DSCAM: variants seen among roughly 807,000 people sequenced by gnomAD.
The protein encoded by DSCAM is cell adhesion molecule DSCAM.
Under a neutral mutation model 217.7 loss-of-function variants are expected in DSCAM, and 47 were observed. The ratio of observed to expected loss-of-function variants is 0.22; its 90% confidence interval spans 0.17 to 0.28. The LOEUF (loss-of-function observed/expected upper bound fraction) is 0.28. DSCAM is among the 10% of genes least tolerant of loss of function. The probability of loss-of-function intolerance (pLI) is 1.00; values close to 1 mark genes in which losing one functional copy is unlikely to be tolerated. For synonymous variants in DSCAM, 1,056 were observed against 1,015.3 expected, an observed-to-expected ratio of 1.04 and a Z score of -0.76; for missense variants, 2,080 against 2,618.3, an observed-to-expected ratio of 0.79 and a Z score of 4.49.
At chr21:40,028,719 G>A (rs1003242220) in intron 32 of DSCAM, among the ~76,000 whole-genome samples, 1 of 152,024 alleles carries the variant, frequency 6.6e-6, no homozygotes, top group Non-Finnish European at 1.5e-5. Context: ...CACGCACAGT[G>A]TGCGCACCCA....
intron 3 of DSCAM, among the ~76,000 whole-genome samples, chr21:40,654,222 A>G (rs2090048480): frequency 6.6e-6 from 1 of 152,232 alleles, no homozygotes; most frequent in African/African-American, 2.4e-5. Context: ...GTTTTCCTTT[A>G]AAAATCATAT....
chr21:40,746,755 G>C (rs1168908424), intron 1 of DSCAM, among the ~76,000 whole-genome samples: 2 of 151,802 alleles, frequency 1.3e-5, no homozygotes, highest in Non-Finnish European at 2.9e-5. Context: ...CCACCCAATA[G>C]ATTCAGAATA....
At chr21:40,277,879 A>AG (rs1555898126) in intron 10 of DSCAM, among the ~76,000 whole-genome samples, 4,438 of 151,548 alleles carry the variant, frequency 0.029, 212 homozygotes, top group African/African-American at 0.1. Flanking sequence ...AAAAAAAAAA[A>AG]AAAAGAAAAA....
chr21:40,521,835 T>C (rs1335933746), intron 3 of DSCAM, among the ~76,000 whole-genome samples: 3 of 152,110 alleles, frequency 2.0e-5, no homozygotes, highest in South Asian at 2.1e-4. Flanking sequence ...CATCTCAAAA[T>C]AGCTGTCATA....
At chr21:40,166,711 G>C (rs1478671324) in intron 16 of DSCAM, among the ~76,000 whole-genome samples, 4 of 152,138 alleles carry the variant, frequency 2.6e-5, no homozygotes. Context: ...CCACACATGG[G>C]GTAGCACTGC....
intron 1 of DSCAM, among the ~76,000 whole-genome samples, chr21:40,733,818 C>T (rs1293520520): frequency 1.3e-5 from 2 of 152,166 alleles, no homozygotes; most frequent in Non-Finnish European, 2.9e-5. Flanking sequence ...GCTCCAGGGG[C>T]CTGGCTTGGT....
chr21:40,100,176 A>G (rs1274608993), intron 20 of DSCAM, among the ~76,000 whole-genome samples: 1 of 152,206 alleles, frequency 6.6e-6, no homozygotes, highest in Non-Finnish European at 1.5e-5. Context: ...ATCATTAGCT[A>G]TGGATGGTGC....
At chr21:40,242,144 TAA>T (rs1321007483) in intron 11 of DSCAM, among the ~76,000 whole-genome samples, 2 of 151,132 alleles carry the variant, frequency 1.3e-5, no homozygotes, top group Admixed American at 1.3e-4. Flanking sequence ...CCCCTGAACC[TAA>T]AAGTTTTTTT....
chr21:40,623,576 G>A (rs1009885910), intron 3 of DSCAM, among the ~76,000 whole-genome samples: 1 of 152,184 alleles, frequency 6.6e-6, no homozygotes. Context: ...TCTGTAATGA[G>A]CTTCTTCTAA....
intron 5 of DSCAM, 42 bp from the exon 6 acceptor site, chr21:40,347,987 T>A: frequency 6.3e-7 from 1 of 1,579,666 alleles, no homozygotes; most frequent in Non-Finnish European, 8.6e-7. Flanking sequence ...GATAAAAACA[T>A]CACTAGATAG....
chr21:40,144,510 G>T lies in DSCAM; in HGVS notation c.3240C>A (p.Ile1080=). The change falls in exon 17 of 33, where the codon ATC becomes ATA. Residue 1080 remains isoleucine (I), a synonymous_variant. Coordinates refer to ENST00000400454, the MANE Select transcript of DSCAM (RefSeq NM_001389.5). This position sits in a 1 kb window ranked among gnomAD's most constrained non-coding sequence, Gnocchi z 4.8. The part of the protein sequence containing the change: ...AGTGPSSQEI[I]TTTLEDVPSY... ...ACCTACCATCCTCGAGAGTGGTGGT[G>T]ATGATTTCCTGAGAAGAAGGCCCCG... 2 of 1,614,196 alleles carry T rather than the reference G, an allele frequency of 1.2e-6. No individual in the cohort carries two copies. The highest frequency in any genetic ancestry group is 1.7e-6 in the Non-Finnish European group (2 of 1,180,024).
At chr21:40,336,296 A>T (rs1408585204) in intron 8 of DSCAM, among the ~76,000 whole-genome samples, 1 of 152,224 alleles carries the variant, frequency 6.6e-6, no homozygotes, top group Admixed American at 6.5e-5. Context: ...TCTTACAGAT[A>T]AATGAGCCCA....
At chr21:40,108,109 G>A (rs959602847) in intron 20 of DSCAM, among the ~76,000 whole-genome samples, 4 of 152,172 alleles carry the variant, frequency 2.6e-5, no homozygotes, top group Non-Finnish European at 5.9e-5. Context: ...CACAAGACAA[G>A]GATGCCCTCT....
chr21:40,311,777 C>T (rs2074140263), intron 9 of DSCAM, among the ~76,000 whole-genome samples: 1 of 151,932 alleles, frequency 6.6e-6, no homozygotes, highest in African/African-American at 2.4e-5. Context: ...GGACGTTAGT[C>T]CTCAAAACTC....
At chr21:40,702,682 C>T (rs540569463) in intron 2 of DSCAM, among the ~76,000 whole-genome samples, 12 of 150,646 alleles carry the variant, frequency 8.0e-5, no homozygotes, top group South Asian at 6.3e-4. Flanking sequence ...TTTTTTTTAC[C>T]GTGTTTCCTT....
intron 3 of DSCAM, among the ~76,000 whole-genome samples, chr21:40,571,493 C>CA (rs752789226): frequency 7.2e-5 from 11 of 152,114 alleles, no homozygotes; most frequent in Non-Finnish European, 1.6e-4. Flanking sequence ...GAGAAGAACT[C>CA]AGAGATTTTT....
intron 4 of DSCAM, among the ~76,000 whole-genome samples, chr21:40,363,173 T>C (rs1440842918): frequency 6.6e-6 from 1 of 151,962 alleles, no homozygotes; most frequent in Non-Finnish European, 1.5e-5. Context: ...TGTTTGCTCA[T>C]CACTTCTGGG....
rs1195589562 is a variant in DSCAM at position 40,620,209 on chromosome 21, AAG to A, written c.508+72599_508+72600del. Among the ~76,000 whole-genome samples the A allele has an allele frequency of 7.7e-5, 9 of 116,672 alleles. 1 individual carries two copies. The highest frequency in any genetic ancestry group is 1.1e-4 in the Non-Finnish European group (6 of 54,922). 76.5% of individuals were successfully genotyped at this position (116,672 alleles called of 152,430 possible). A position where few individuals can be genotyped will look rare whatever the true frequency, so the allele number is the denominator to read the frequency against. ...AAAAAGAAAAAGAAAGAAAGAGAGA[AAG>A]AGAGAGAAAAAAGAAAAAGAAAGAA... On this transcript the variant is annotated intron_variant, in intron 3 of 32. Transcript: ENST00000400454.
At chr21:40,090,848 G>A (rs988346095) in intron 21 of DSCAM, among the ~76,000 whole-genome samples, 5 of 152,196 alleles carry the variant, frequency 3.3e-5, no homozygotes, top group Admixed American at 2.6e-4. Flanking sequence ...TCGTCACCTT[G>A]GATTGAACCC....
Sources: allele counts gnomAD v4.1 joint callset (sites outside exome capture counted in the v4.1 genomes callset), GRCh38; gene constraint gnomAD v4.1.1; non-coding constraint Gnocchi (gnomAD v3.1); transcripts MANE v1.5; gene names NCBI Gene and HGNC (gene_info 2026-07-23, HGNC 2026-07-21).